Variants in TRPS1 observed in about 807,000 individuals in gnomAD.
The protein encoded by TRPS1 is transcriptional repressor GATA binding 1, also known as zinc finger transcription factor Trps1.
A neutral mutation model predicts 101.2 loss-of-function variants in TRPS1; 6 were observed. The observed-to-expected ratio is 0.06, with a 90% CI of 0.03 to 0.12. TRPS1 has a LOEUF of 0.12. Among genes scored for constraint, TRPS1 ranks in the 10% least tolerant of loss-of-function variants. The pLI, the probability that TRPS1 is intolerant of heterozygous loss-of-function variation, is 1.00. For missense variants in TRPS1, 1,363 were observed against 1,567.0 expected (o/e 0.87, Z 2.20); for synonymous variants, 578 against 589.8 (o/e 0.98, Z 0.29).
chr8:115,437,026 TAG>T (rs1305551393), intron 5 of TRPS1, among the ~76,000 whole-genome samples: 1 of 152,180 alleles, frequency 6.6e-6, no homozygotes, highest in Non-Finnish European at 1.5e-5. Context: ...CTTTTATAAG[TAG>T]AGCATTGGAT....
rs1812754273 is a variant in TRPS1, at chr8:115,410,078, A to G, written c.*3945T>C. The G allele has an allele frequency of 6.6e-6, 1 of 152,016 alleles. No homozygotes were observed. Among genetic ancestry groups the G allele is most frequent in the Non-Finnish European group, 1.5e-5 (1 of 67,960 alleles). The allele number at this position is 152,016 out of a possible 1,614,324, so 9.4% of individuals were successfully genotyped here. A position where few individuals can be genotyped will look rare whatever the true frequency, so the allele number is the denominator to read the frequency against. ...GATGGCAGATATTCCCCCTCTAGAA[A>G]TGCATTAATTTTATTTACTAAACAG... On this transcript the variant is annotated 3_prime_UTR_variant, in exon 7 of 7. Coordinates refer to ENST00000395715, the MANE Select transcript of TRPS1 (RefSeq NM_014112.5).
At chr8:115,491,664 GAAGA>G (rs1446796519) in intron 5 of TRPS1, among the ~76,000 whole-genome samples, 8 of 151,616 alleles carry the variant, frequency 5.3e-5, no homozygotes, top group East Asian at 3.9e-4. Flanking sequence ...AAGAAAGAAA[GAAGA>G]AAGAAAGAAA....
intron 3 of TRPS1, among the ~76,000 whole-genome samples, chr8:115,605,352 C>T (rs925684733): frequency 6.6e-6 from 1 of 152,214 alleles, no homozygotes; most frequent in Admixed American, 6.5e-5. Flanking sequence ...CACATTCCTA[C>T]AGAAGCATCC....
intron 5 of TRPS1, among the ~76,000 whole-genome samples, chr8:115,506,944 T>C (rs1196444408): frequency 6.6e-6 from 1 of 152,166 alleles, no homozygotes; most frequent in Non-Finnish European, 1.5e-5. Flanking sequence ...GTCAAGAGTC[T>C]AATTCATTTT....
At chr8:115,539,919 A>C (rs1816411762) in intron 5 of TRPS1, among the ~76,000 whole-genome samples, 1 of 152,208 alleles carries the variant, frequency 6.6e-6, no homozygotes, top group African/African-American at 2.4e-5. Context: ...TCCATCATCG[A>C]GAATCTGAAA....
chr8:115,641,373 G>A (rs1818891227), intron 1 of TRPS1, among the ~76,000 whole-genome samples: 1 of 152,120 alleles, frequency 6.6e-6, no homozygotes, highest in Non-Finnish European at 1.5e-5. Context: ...TTCCATTTTA[G>A]CAAATACACT....
chr8:115,587,570 T>G lies in TRPS1; in HGVS notation c.2131A>C (p.Ser711Arg). 6.2e-7 allele frequency: 1 copy of G among 1,614,170 alleles called. No homozygotes were observed. The highest frequency in any genetic ancestry group is 8.5e-7 in the Non-Finnish European group (1 of 1,180,020). Reference sequence around the variant, plus strand: ...GACTGAGTATCGGCAGCTGTAAAACTGCACTGACGGCATTTGTAGCAGCTG... The same window carrying G: ...GACTGAGTATCGGCAGCTGTAAAACGGCACTGACGGCATTTGTAGCAGCTG... ...AHSCYKCRQC[S>R]FTAADTQSLL... Residue 711 changes from serine (S) to arginine (R), a missense_variant, in exon 5 of 7, where the codon AGT becomes CGT. Ser to Arg is a moderately radical substitution (Grantham distance 110). Around this residue, in one of 5 missense-constraint regions of TRPS1, gnomAD observed 1,020 missense variants for 1,073.0 expected, o/e 0.95. Transcript: ENST00000395715.
At chr8:115,572,847 T>C (rs1298036833) in intron 5 of TRPS1, among the ~76,000 whole-genome samples, 2 of 152,088 alleles carry the variant, frequency 1.3e-5, no homozygotes. Context: ...TGAAAATAAA[T>C]ATACGCCAGA....
Position 115,411,018 on chromosome 8 carries a change from TTAATA to T in TRPS1, c.*3000_*3004del, listed in dbSNP as rs533560952. 2.3e-3 allele frequency: 349 copies of T among 151,814 alleles called. No homozygotes were observed. Among genetic ancestry groups the T allele is most frequent in the African/African-American group, 7.7e-3 (319 of 41,516 alleles). The allele number at this position is 151,814 out of a possible 1,614,324, so 9.4% of individuals were successfully genotyped here. A position where few individuals can be genotyped will look rare whatever the true frequency, so the allele number is the denominator to read the frequency against. ...TATCTTGAGAGATGGAATAAAGGCT[TTAATA>T]TGTCAAAAAAGGAGTGTTTAGTGTT... On this transcript the variant is annotated 3_prime_UTR_variant, in exon 7 of 7. Coordinates refer to ENST00000395715, the MANE Select transcript of TRPS1 (RefSeq NM_014112.5).
chr8:115,464,752 T>C (rs1417805877), intron 5 of TRPS1, among the ~76,000 whole-genome samples: 2 of 152,112 alleles, frequency 1.3e-5, no homozygotes, highest in Admixed American at 1.3e-4. Context: ...TTCGACTCTC[T>C]CTGGAACATC....
chr8:115,587,449 T>C lies in TRPS1; in HGVS notation c.2252A>G (p.Glu751Gly). The change falls in exon 5 of 7, where the codon GAG (glutamate) becomes GGG (glycine). Residue 751 changes from glutamate to glycine, a missense_variant. This residue lies in a region of TRPS1 where 1,020 missense variants were observed against 1,073.0 expected (regional missense o/e 0.95). Transcript: ENST00000395715. ...GACCCTGAAGTCAATTTTGGGCTCCTCTTTGATGGTGGATATGGCATGACC... is the reference window on the plus strand; with the variant it reads ...GACCCTGAAGTCAATTTTGGGCTCCCCTTTGATGGTGGATATGGCATGACC... The part of the protein sequence containing the change: ...EDGHAISTIK[E>G]EPKIDFRVYN... 6.2e-7 allele frequency: 1 copy of C among 1,614,192 alleles called. No homozygotes were observed. The highest frequency in any genetic ancestry group is 1.1e-5 in the South Asian group (1 of 91,082).
At chr8:115,461,251 GGATA>G (rs67435707) in intron 5 of TRPS1, among the ~76,000 whole-genome samples, 18,638 of 143,518 alleles carry the variant, frequency 0.13, 1,606 homozygotes, top group Non-Finnish European at 0.18. Context: ...AAATAGACAA[GGATA>G]GATAGATAGA....
At chr8:115,573,159 C>T (rs887196090) in intron 5 of TRPS1, among the ~76,000 whole-genome samples, 6 of 151,754 alleles carry the variant, frequency 4.0e-5, no homozygotes, top group African/African-American at 1.2e-4. Flanking sequence ...TATAGTAAAG[C>T]GTGTGAACTT....
rs2129738875 is a variant in TRPS1, at chr8:115,413,059, G to A, written c.*964C>T. The A allele has an allele frequency of 6.6e-6, 1 of 152,516 alleles. No homozygotes were observed. The highest frequency in any genetic ancestry group is 2.4e-5 in the African/African-American group (1 of 41,542). The allele number at this position is 152,516 out of a possible 1,614,324, so 9.4% of individuals were successfully genotyped here. On this transcript the variant is annotated 3_prime_UTR_variant, in exon 7 of 7. Coordinates refer to ENST00000395715, the MANE Select transcript of TRPS1 (RefSeq NM_014112.5). ...AGGTTACCTTGTGAAGAAATGCCATGTGTTCTAAACAAATTAAACCCACGG... is the reference window on the plus strand; with the variant it reads ...AGGTTACCTTGTGAAGAAATGCCATATGTTCTAAACAAATTAAACCCACGG...
intron 1 of TRPS1, among the ~76,000 whole-genome samples, chr8:115,635,600 G>A (rs941042325): frequency 3.3e-5 from 5 of 152,122 alleles, no homozygotes; most frequent in South Asian, 2.1e-4. Context: ...GAAGAGCAGT[G>A]ACTAATCCCA....
chr8:115,462,529 C>T lies in TRPS1; in HGVS notation c.2701-44077G>A, dbSNP rs528119910. Among the ~76,000 whole-genome samples the T allele has an allele frequency of 4.6e-5, 7 of 152,080 alleles. No homozygotes were observed. In the South Asian group the frequency reaches 1.0e-3, roughly 23 times the overall value. ...GAATGTAAGATGCTTAGAGGACATCCGACACATGAGTGCAGGACAAATGTT... is the reference window on the plus strand; with the variant it reads ...GAATGTAAGATGCTTAGAGGACATCTGACACATGAGTGCAGGACAAATGTT... On this transcript the variant is annotated intron_variant, in intron 5 of 6. Coordinates refer to ENST00000395715, the MANE Select transcript of TRPS1 (RefSeq NM_014112.5).
chr8:115,435,853 T>G (rs1173309540), intron 5 of TRPS1, among the ~76,000 whole-genome samples: 3 of 152,138 alleles, frequency 2.0e-5, no homozygotes, highest in Non-Finnish European at 4.4e-5. Flanking sequence ...AAAAGTCCAG[T>G]GCCTTTGAAG....
intron 5 of TRPS1, among the ~76,000 whole-genome samples, chr8:115,547,778 A>G (rs1816610009): frequency 6.6e-6 from 1 of 152,142 alleles, no homozygotes; most frequent in South Asian, 2.1e-4. Flanking sequence ...TCTACGCTGC[A>G]CTTATTTCGG....
At chr8:115,602,287 G>T (rs923825647) in intron 4 of TRPS1, among the ~76,000 whole-genome samples, 1 of 152,116 alleles carries the variant, frequency 6.6e-6, no homozygotes, top group Non-Finnish European at 1.5e-5. Context: ...AAAAAAGAAT[G>T]GACTATCTGA....
Sources: allele counts gnomAD v4.1 joint callset (sites outside exome capture counted in the v4.1 genomes callset), GRCh38; gene constraint gnomAD v4.1.1; regional missense constraint gnomAD v4.1.1; transcripts MANE v1.5; gene names NCBI Gene and HGNC (gene_info 2026-07-23, HGNC 2026-07-21).